BICC1: variants seen among roughly 807,000 people sequenced by gnomAD.
The protein encoded by BICC1 is BicC family RNA binding protein 1.
A neutral mutation model predicts 111.0 loss-of-function variants in BICC1; 43 were observed. That is an observed-to-expected ratio of 0.39 (90% CI 0.30 to 0.50). The LOEUF is 0.50. Ranked by LOEUF, BICC1 falls within the 20% of genes least tolerant of loss-of-function variation. The pLI is 0.88. For synonymous variants in BICC1, 467 were observed against 434.4 expected, an observed-to-expected ratio of 1.07 and a Z score of -0.93; for missense variants, 1,091 against 1,203.2, an observed-to-expected ratio of 0.91 and a Z score of 1.38.
Position 58,829,019 on chromosome 10 carries a change from G to T in BICC1, c.*128G>T, listed in dbSNP as rs1844481328. ...GTATCAGGACCAAAGCATTTTATTC[G>T]CACCTGTACTTTATGGCAAAAAGGA... On this transcript the variant is annotated 3_prime_UTR_variant, in exon 21 of 21. Transcript: ENST00000373886. The T allele has an allele frequency of 6.4e-6, 7 of 1,092,168 alleles. No individual in the cohort carries two copies. The highest frequency in any genetic ancestry group is 9.0e-6 in the Non-Finnish European group (7 of 774,616). The allele number at this position is 1,092,168 out of a possible 1,614,324, so 67.7% of individuals were successfully genotyped here.
At chr10:58,682,319 A>G (rs921399966) in intron 2 of BICC1, among the ~76,000 whole-genome samples, 7 of 152,232 alleles carry the variant, frequency 4.6e-5, no homozygotes, top group African/African-American at 1.7e-4. Context: ...ATAGTGCCAC[A>G]ATAGACATAC....
At chr10:58,567,199 G>A (rs1843794478) in intron 1 of BICC1, among the ~76,000 whole-genome samples, 1 of 152,006 alleles carries the variant, frequency 6.6e-6, no homozygotes, top group African/African-American at 2.4e-5. Context: ...TATGCTTAAT[G>A]GTTTACTTAC....
intron 1 of BICC1, among the ~76,000 whole-genome samples, chr10:58,544,696 T>C (rs879273750): frequency 1.3e-5 from 2 of 152,162 alleles, no homozygotes; most frequent in Non-Finnish European, 2.9e-5. Flanking sequence ...ATAATATAAC[T>C]ATACTGAATT....
intron 3 of BICC1, chr10:58,715,838 A>T: frequency 7.8e-7 from 1 of 1,277,574 alleles, no homozygotes; most frequent in South Asian, 1.3e-5. Flanking sequence ...CAGAGAAAGA[A>T]AAAAGAAAAG....
At chr10:58,529,672 A>G (rs1299442015) in intron 1 of BICC1, among the ~76,000 whole-genome samples, 1 of 151,816 alleles carries the variant, frequency 6.6e-6, no homozygotes, top group Non-Finnish European at 1.5e-5. Context: ...ATTTTTTTTA[A>G]TTAGAACTTT....
At chr10:58,725,388 A>G (rs887188787) in intron 3 of BICC1, among the ~76,000 whole-genome samples, 1 of 152,140 alleles carries the variant, frequency 6.6e-6, no homozygotes, top group African/African-American at 2.4e-5. Context: ...ACATTTTAAA[A>G]TACCAAATTT....
intron 1 of BICC1, among the ~76,000 whole-genome samples, chr10:58,528,581 T>G (rs1057301205): frequency 2.0e-5 from 3 of 151,926 alleles, no homozygotes; most frequent in Admixed American, 2.0e-4. Flanking sequence ...ACCTTTTATG[T>G]TAGCTTGCTC....
chr10:58,759,277 A>T lies in BICC1; in HGVS notation c.308-25724A>T, dbSNP rs114649938. Among the ~76,000 whole-genome samples, 848 of 152,188 alleles carry T rather than the reference A, an allele frequency of 5.6e-3. 10 individuals carry two copies. The highest frequency in any genetic ancestry group is 0.02 in the African/African-American group (812 of 41,542). Reference sequence around the variant, plus strand: ...ACCTGGCCTGATCATTAAAATATTTAAGAGAGTGGCAATATAAGCAAAAAT... The same window carrying T: ...ACCTGGCCTGATCATTAAAATATTTTAGAGAGTGGCAATATAAGCAAAAAT... On this transcript the variant is annotated intron_variant, in intron 3 of 20. Coordinates refer to ENST00000373886, the MANE Select transcript of BICC1 (RefSeq NM_001080512.3).
intron 3 of BICC1, among the ~76,000 whole-genome samples, chr10:58,730,716 A>G (rs1026886184): frequency 1.3e-5 from 2 of 152,020 alleles, no homozygotes; most frequent in Non-Finnish European, 2.9e-5. Flanking sequence ...CAGTGTAGAA[A>G]CCACCAATGC....
chr10:58,715,644 C>G, intron 3 of BICC1: 1 of 1,605,580 alleles, frequency 6.2e-7, no homozygotes, highest in African/African-American at 1.3e-5. Context: ...GCCAACAATA[C>G]AGGATTATCT....
At chr10:58,521,033 G>T (rs190743117) in intron 1 of BICC1, among the ~76,000 whole-genome samples, 1 of 152,026 alleles carries the variant, frequency 6.6e-6, no homozygotes, top group African/African-American at 2.4e-5. Flanking sequence ...TTCACTTAGC[G>T]TTGAATCATA....
intron 2 of BICC1, among the ~76,000 whole-genome samples, chr10:58,648,850 G>A (rs1371238853): frequency 6.6e-6 from 1 of 152,132 alleles, no homozygotes; most frequent in Non-Finnish European, 1.5e-5. Context: ...CATGATTTGA[G>A]TAGGACCTTG....
chr10:58,733,933 C>A (rs747541900), intron 3 of BICC1, among the ~76,000 whole-genome samples: 5 of 152,176 alleles, frequency 3.3e-5, no homozygotes, highest in Non-Finnish European at 5.9e-5. Flanking sequence ...TATTGTACCT[C>A]ACTGTAAACA....
intron 19 of BICC1, among the ~76,000 whole-genome samples, chr10:58,820,090 T>C (rs558092467): frequency 1.3e-5 from 2 of 152,298 alleles, no homozygotes; most frequent in South Asian, 4.1e-4. Flanking sequence ...GAACAGATAA[T>C]GCTCTTCCTT....
chr10:58,700,338 G>A (rs1318150670), intron 2 of BICC1, among the ~76,000 whole-genome samples: 2 of 152,170 alleles, frequency 1.3e-5, no homozygotes, highest in Non-Finnish European at 2.9e-5. Flanking sequence ...ACTCAGAAGG[G>A]GAGCCTGCTG....
chr10:58,816,799 T>G (rs1246003783), intron 18 of BICC1, among the ~76,000 whole-genome samples: 3 of 146,224 alleles, frequency 2.1e-5, no homozygotes, highest in Non-Finnish European at 4.5e-5. Context: ...GTGTGTGACT[T>G]ACTTGGCTTG....
chr10:58,701,404 C>T (rs1034476112), intron 2 of BICC1, among the ~76,000 whole-genome samples: 1 of 152,100 alleles, frequency 6.6e-6, no homozygotes, highest in Admixed American at 6.5e-5. Context: ...GCTGGGCAGT[C>T]GTTGCTTCCC....
intron 20 of BICC1, among the ~76,000 whole-genome samples, chr10:58,820,674 A>G (rs763096166): frequency 6.6e-6 from 1 of 152,126 alleles, no homozygotes; most frequent in African/African-American, 2.4e-5. Flanking sequence ...ACCTGCCTTA[A>G]CAAGGGTCAT....
intron 3 of BICC1, among the ~76,000 whole-genome samples, chr10:58,735,262 A>G (rs935612016): frequency 6.6e-6 from 1 of 152,150 alleles, no homozygotes; most frequent in Non-Finnish European, 1.5e-5. Flanking sequence ...CTGTTTGGAC[A>G]CCATACTCGG....
Sources: gnomAD v4.1 joint callset for allele counts (sites outside exome capture counted in the v4.1 genomes callset) on GRCh38, gnomAD v4.1.1 for gene constraint, MANE v1.5 for transcripts, NCBI Gene and HGNC (gene_info 2026-07-23, HGNC 2026-07-21) for gene names.